Variants in AKAP6 observed in about 807,000 individuals in gnomAD.
AKAP6 encodes A-kinase anchoring protein 6, also known as A-kinase anchor protein 6.
In AKAP6, 58 loss-of-function variants were observed where a neutral mutation model predicts 188.5. That is an observed-to-expected ratio of 0.31 (90% confidence interval 0.25 to 0.38). The LOEUF (loss-of-function observed/expected upper bound fraction) is 0.38, where lower values mean the gene tolerates loss of function less well. Ranked by LOEUF, AKAP6 falls within the 10% of genes least tolerant of loss-of-function variation. AKAP6 has a pLI of 1.00. For missense variants in AKAP6, 2,710 were observed against 2,740.0 expected (o/e 0.99, Z 0.24); for synonymous variants, 989 against 998.6 (o/e 0.99, Z 0.18).
chr14:32,826,453 T>A (rs2034676248), intron 13 of AKAP6, among the ~76,000 whole-genome samples: 1 of 152,150 alleles, frequency 6.6e-6, no homozygotes. Context: ...TAGAACCGAT[T>A]GTACTGCTGG....
At chr14:32,454,669 TTCCC>T (rs1891065660) in intron 2 of AKAP6, among the ~76,000 whole-genome samples, 1 of 65,546 alleles carries the variant, frequency 1.5e-5, no homozygotes, top group Non-Finnish European at 3.3e-5. Flanking sequence ...CCTTCCCTCC[TTCCC>T]TCCTTCCCTC....
Position 32,822,266 on chromosome 14 carries a change from A to G in AKAP6, c.4453A>G (p.Lys1485Glu), listed in dbSNP as rs781361499. The part of the protein sequence containing the change: ...GSKLKLPMIM[K>E]QSQSEKAHVE... ...AAAACTCAAATTACCAATGATAATGAAACAGTCACAAAGCGAAAAAGCGCA... is the reference window on the plus strand; with the variant it reads ...AAAACTCAAATTACCAATGATAATGGAACAGTCACAAAGCGAAAAAGCGCA... The change falls in exon 13 of 14, where the codon AAA becomes GAA. Residue 1485 changes from lysine to glutamate, a missense_variant. Transcript: ENST00000280979. The G allele has an allele frequency of 6.2e-7, 1 of 1,613,926 alleles. No individual in the cohort carries two copies. The highest frequency in any genetic ancestry group is 2.2e-5 in the East Asian group (1 of 44,858).
intron 9 of AKAP6, among the ~76,000 whole-genome samples, chr14:32,731,169 T>A (rs868081836): frequency 4.6e-4 from 70 of 152,292 alleles, no homozygotes; most frequent in African/African-American, 1.6e-3. Flanking sequence ...GAAGTTTACA[T>A]AATACAAGTG....
At chr14:32,340,900 G>T (rs1004834864) in intron 1 of AKAP6, among the ~76,000 whole-genome samples, 2 of 152,138 alleles carry the variant, frequency 1.3e-5, no homozygotes, top group East Asian at 1.9e-4. Flanking sequence ...CATTCATGAG[G>T]GTTCCACCCT....
At chr14:32,439,267 A>G (rs12880571) in intron 2 of AKAP6, among the ~76,000 whole-genome samples, 1 of 152,204 alleles carries the variant, frequency 6.6e-6, no homozygotes, top group Non-Finnish European at 1.5e-5. Context: ...AATCCTCTCC[A>G]CAGCTGGGAT....
rs374004874 is a variant in AKAP6 at position 32,822,160 on chromosome 14, T to C, written c.4347T>C (p.His1449=). The part of the protein sequence containing the change: ...KVGDLNSITK[H]TPDCLGEELQ... ...GAGATTTAAACAGTATTACCAAACA[T>C]ACCCCTGACTGTTTGGGAGAAGAAT... is the stretch of plus-strand genomic sequence containing the variant. The change falls in exon 13 of 14, where the codon CAT becomes CAC. Residue 1449 remains histidine (H), a synonymous_variant. Coordinates refer to ENST00000280979, the MANE Select transcript of AKAP6 (RefSeq NM_004274.5). 3.7e-6 allele frequency: 6 copies of C among 1,613,730 alleles called. No individual in the cohort carries two copies. Among genetic ancestry groups the C allele is most frequent in the South Asian group, 3.3e-5 (3 of 91,084 alleles).
At chr14:32,732,638 A>C (rs762724331) in intron 10 of AKAP6, 38 bp downstream of exon 10, 1 of 1,607,770 alleles carries the variant, frequency 6.2e-7, no homozygotes, top group African/African-American at 1.3e-5. Context: ...GGTTATGTGT[A>C]CATTTTTTGC....
At chr14:32,502,762 G>C (rs139802609) in intron 2 of AKAP6, among the ~76,000 whole-genome samples, 2 of 151,908 alleles carry the variant, frequency 1.3e-5, no homozygotes, top group Non-Finnish European at 2.9e-5. Context: ...ATCTTTCTGC[G>C]TCAGAATATA....
chr14:32,585,391 C>T lies in AKAP6; in HGVS notation c.2469+8149C>T, dbSNP rs190395364. ...ATAGCACCGTGTTATTCTGGACACA[C>T]GTTAACCAACCACATAGAAATAGCC... On this transcript the variant is annotated intron_variant, in intron 5 of 13. Transcript: ENST00000280979. Among the ~76,000 whole-genome samples, 625 of 152,248 alleles carry T rather than the reference C, an allele frequency of 4.1e-3. 3 individuals are homozygous for T. Among genetic ancestry groups the T allele is most frequent in the Admixed American group, 0.011 (174 of 15,296 alleles).
chr14:32,712,377 A>T (rs2029929056), intron 9 of AKAP6, among the ~76,000 whole-genome samples: 1 of 151,988 alleles, frequency 6.6e-6, no homozygotes, highest in Admixed American at 6.6e-5. Flanking sequence ...TGGTTGCTGA[A>T]AGTTGGGGTG....
intron 7 of AKAP6, among the ~76,000 whole-genome samples, chr14:32,608,485 G>A (rs928706462): frequency 6.0e-5 from 8 of 132,956 alleles, no homozygotes; most frequent in Non-Finnish European, 9.3e-5. Context: ...GAGTGACAGA[G>A]CAAGAGTCTG....
chr14:32,666,327 T>A (rs994962882), intron 7 of AKAP6, among the ~76,000 whole-genome samples: 1 of 152,072 alleles, frequency 6.6e-6, no homozygotes, highest in African/African-American at 2.4e-5. Flanking sequence ...TAAATATTTT[T>A]ATATTCTCAT....
At chr14:32,776,264 C>T (rs976164149) in intron 12 of AKAP6, among the ~76,000 whole-genome samples, 7 of 152,082 alleles carry the variant, frequency 4.6e-5, no homozygotes, top group East Asian at 1.9e-4. Flanking sequence ...TGGGAGGGAC[C>T]GAGTGGGAGA....
At chr14:32,381,192 TA>T (rs1888346086) in intron 1 of AKAP6, among the ~76,000 whole-genome samples, 3 of 151,994 alleles carry the variant, frequency 2.0e-5, no homozygotes, top group Non-Finnish European at 4.4e-5. Context: ...CAAAAAAATT[TA>T]GCTGGGCCTG....
chr14:32,673,229 C>T (rs1191460233), intron 7 of AKAP6, among the ~76,000 whole-genome samples: 1 of 152,194 alleles, frequency 6.6e-6, no homozygotes. Flanking sequence ...TACCCCCAAC[C>T]CCCACCTTCA....
intron 9 of AKAP6, among the ~76,000 whole-genome samples, chr14:32,729,983 T>C (rs1419961841): frequency 1.3e-5 from 2 of 152,148 alleles, no homozygotes; most frequent in African/African-American, 4.8e-5. Flanking sequence ...CGAAAACTGA[T>C]AGAGCTGGCA....
chr14:32,813,248 G>C (rs1198299157), intron 12 of AKAP6, among the ~76,000 whole-genome samples: 1 of 152,140 alleles, frequency 6.6e-6, no homozygotes, highest in East Asian at 1.9e-4. Flanking sequence ...TAAAAGAAAT[G>C]TGCAGGGTAA....
intron 12 of AKAP6, among the ~76,000 whole-genome samples, chr14:32,791,403 G>T (rs1486622766): frequency 6.6e-6 from 1 of 152,096 alleles, no homozygotes; most frequent in Non-Finnish European, 1.5e-5. Flanking sequence ...TTTGTTGGCT[G>T]CATAAATGTC....
At chr14:32,711,414 C>T (rs757242900) in intron 9 of AKAP6, among the ~76,000 whole-genome samples, 48 of 152,022 alleles carry the variant, frequency 3.2e-4, no homozygotes, top group Admixed American at 1.1e-3. Flanking sequence ...GTTCATTGAA[C>T]CCTACACTTC....
Sources: gnomAD v4.1 joint callset for allele counts (sites outside exome capture counted in the v4.1 genomes callset) on GRCh38, gnomAD v4.1.1 for gene constraint, MANE v1.5 for transcripts, NCBI Gene and HGNC (gene_info 2026-07-23, HGNC 2026-07-21) for gene names.